The following TAF1B variants were observed in gnomAD, a reference collection of about 807,000 sequenced individuals.
TAF1B encodes the protein TATA box-binding protein-associated factor RNA polymerase I subunit B.
TAF1B carries 61 observed loss-of-function variants against 83.9 expected under a neutral mutation model. The ratio of observed to expected loss-of-function variants is 0.73; its 90% CI spans 0.59 to 0.90. TAF1B has a LOEUF of 0.90. TAF1B is among the 40% of genes least tolerant of loss of function. The pLI, the probability that TAF1B is intolerant of heterozygous loss-of-function variation, is 0.00. For synonymous variants in TAF1B, 221 were observed against 224.6 expected (o/e 0.98, Z 0.14); for missense variants, 625 against 677.0 (o/e 0.92, Z 0.85).
chr2:9,850,762 G>A (rs1025446602), intron 3 of TAF1B, among the ~76,000 whole-genome samples: 8 of 152,138 alleles, frequency 5.3e-5, no homozygotes, highest in African/African-American at 7.2e-5. Flanking sequence ...CCTTCAGCTC[G>A]TAGTTGTCAT....
intron 3 of TAF1B, among the ~76,000 whole-genome samples, chr2:9,850,453 A>G (rs966928598): frequency 2.6e-5 from 4 of 152,326 alleles, no homozygotes; most frequent in South Asian, 4.1e-4. Flanking sequence ...GTATATGCAT[A>G]TAGCTTGAAG....
chr2:9,908,686 C>T (rs72782688), intron 9 of TAF1B, among the ~76,000 whole-genome samples: 11,306 of 152,158 alleles, frequency 0.074, 523 homozygotes, highest in Middle Eastern at 0.15. Flanking sequence ...GAATGAAGCC[C>T]AGGAGTAAAT....
intron 14 of TAF1B, 60 bp downstream of exon 14, chr2:9,919,880 G>C: frequency 6.7e-7 from 1 of 1,494,730 alleles, no homozygotes; most frequent in Non-Finnish European, 9.1e-7. Flanking sequence ...ATAAGAGCCA[G>C]ATAGGTTTTT....
intron 6 of TAF1B, 86 bp downstream of exon 6, chr2:9,868,515 G>GA: frequency 7.2e-6 from 11 of 1,524,002 alleles, no homozygotes; most frequent in Non-Finnish European, 9.8e-6. Context: ...ATAATCCAAG[G>GA]AAAGGGAACT....
At chr2:9,933,731 C>A in intron 14 of TAF1B, 52 bp from the exon 15 acceptor site, 1 of 1,459,386 alleles carries the variant, frequency 6.9e-7, no homozygotes, top group Non-Finnish European at 9.5e-7. Flanking sequence ...TTAGTGTGTG[C>A]ATTTCTTGGT....
chr2:9,931,945 A>G (rs1049758771), intron 14 of TAF1B, among the ~76,000 whole-genome samples: 2 of 152,046 alleles, frequency 1.3e-5, no homozygotes, highest in Non-Finnish European at 2.9e-5. Context: ...CCTTTCTTCC[A>G]CTTGATCGAA....
chr2:9,902,724 G>C (rs935577872), intron 8 of TAF1B, among the ~76,000 whole-genome samples: 3 of 152,102 alleles, frequency 2.0e-5, no homozygotes, highest in Non-Finnish European at 4.4e-5. Context: ...TGTCTTTTAT[G>C]GGCATGCATA....
At chr2:9,851,426 TGAA>T (rs869072018) in intron 3 of TAF1B, 112 bp from the exon 4 acceptor site, 2 of 664,800 alleles carry the variant, frequency 3.0e-6, no homozygotes, top group Non-Finnish European at 4.6e-6. Flanking sequence ...CTGGGTTAAT[TGAA>T]AAAAAAAGAA....
chr2:9,851,823 A>G, intron 4 of TAF1B, 185 bp downstream of exon 4: 1 of 650,600 alleles, frequency 1.5e-6, no homozygotes, highest in East Asian at 2.8e-5. Flanking sequence ...TACAGGATGT[A>G]AATAAGCAAT....
At chr2:9,861,960 A>G (rs1663782406) in intron 5 of TAF1B, among the ~76,000 whole-genome samples, 1 of 152,224 alleles carries the variant, frequency 6.6e-6, no homozygotes, top group Non-Finnish European at 1.5e-5. Context: ...CACCATCATC[A>G]AAGACCAAAG....
At chr2:9,855,478 A>G (rs1663533385) in intron 5 of TAF1B, among the ~76,000 whole-genome samples, 1 of 152,196 alleles carries the variant, frequency 6.6e-6, no homozygotes, top group Non-Finnish European at 1.5e-5. Context: ...CAGAAGTTCA[A>G]GACCGGCCTG....
At chr2:9,881,585 A>G (rs1038671144) in intron 7 of TAF1B, among the ~76,000 whole-genome samples, 29 of 152,118 alleles carry the variant, frequency 1.9e-4, no homozygotes, top group African/African-American at 6.5e-4. Flanking sequence ...CTAACATACT[A>G]TAGATTTTAC....
chr2:9,933,450 ATC>A (rs1245420319), intron 14 of TAF1B, among the ~76,000 whole-genome samples: 1 of 152,122 alleles, frequency 6.6e-6, no homozygotes, highest in Non-Finnish European at 1.5e-5. Context: ...TATGTTCAGA[ATC>A]TCTCCCTGTG....
intron 6 of TAF1B, among the ~76,000 whole-genome samples, chr2:9,869,988 T>C (rs562031172): frequency 2.6e-5 from 4 of 152,320 alleles, no homozygotes; most frequent in South Asian, 2.1e-4. Flanking sequence ...GCTACTGCTA[T>C]TGTAGATCAT....
intron 8 of TAF1B, among the ~76,000 whole-genome samples, chr2:9,888,733 T>G: frequency 6.7e-6 from 1 of 150,294 alleles, no homozygotes; most frequent in African/African-American, 2.5e-5. Flanking sequence ...TCACTGGATC[T>G]CACCAATTGG....
intron 14 of TAF1B, among the ~76,000 whole-genome samples, chr2:9,931,365 G>C (rs2125187615): frequency 6.6e-6 from 1 of 152,264 alleles, no homozygotes; most frequent in East Asian, 1.9e-4. Context: ...CAGGCCTGGT[G>C]GTGACAGAAT....
chr2:9,913,042 G>T, intron 11 of TAF1B, 117 bp from the exon 12 acceptor site: 1 of 756,820 alleles, frequency 1.3e-6, no homozygotes, highest in East Asian at 2.6e-5. Context: ...TCTACATCTT[G>T]ATCACACACT....
intron 8 of TAF1B, among the ~76,000 whole-genome samples, chr2:9,886,926 G>A (rs1184999468): frequency 2.0e-5 from 3 of 152,144 alleles, no homozygotes; most frequent in African/African-American, 4.8e-5. Flanking sequence ...TTAGCTGAGC[G>A]TGGTGGCGCA....
chr2:9,864,382 AAACC>A (rs1306140833), intron 5 of TAF1B, among the ~76,000 whole-genome samples: 1 of 152,222 alleles, frequency 6.6e-6, no homozygotes, highest in Non-Finnish European at 1.5e-5. Flanking sequence ...TCCCAAAACT[AAACC>A]AGGAAGAAGT....
Sources: allele counts gnomAD v4.1 joint callset (sites outside exome capture counted in the v4.1 genomes callset), GRCh38; gene constraint gnomAD v4.1.1; transcripts MANE v1.5; gene names NCBI Gene and HGNC (gene_info 2026-07-23, HGNC 2026-07-21).